The following FTO variants were observed in gnomAD, a reference collection of about 807,000 sequenced individuals.
FTO encodes the protein FTO alpha-ketoglutarate dependent dioxygenase.
A neutral mutation model predicts 63.9 loss-of-function variants in FTO; 47 were observed. The ratio of observed to expected loss-of-function variants is 0.74; its 90% CI spans 0.58 to 0.94. The LOEUF (loss-of-function observed/expected upper bound fraction) is 0.94, where lower values mean the gene tolerates loss of function less well. Ranked by LOEUF, FTO falls within the 40% of genes least tolerant of loss-of-function variation. The probability of loss-of-function intolerance (pLI) is 0.00; values close to 1 mark genes in which losing one functional copy is unlikely to be tolerated. For synonymous variants in FTO, 207 were observed against 224.4 expected, an observed-to-expected ratio of 0.92 and a Z score of 0.69; for missense variants, 562 against 618.1, an observed-to-expected ratio of 0.91 and a Z score of 0.96.
intron 7 of FTO, among the ~76,000 whole-genome samples, chr16:53,904,593 TGTAG>T (rs2151932168): frequency 6.6e-6 from 1 of 152,316 alleles, no homozygotes; most frequent in East Asian, 1.9e-4. Context: ...CCACACGGGA[TGTAG>T]GTGGCCCTTT....
intron 7 of FTO, among the ~76,000 whole-genome samples, chr16:53,926,027 ACT>A (rs1358786137): frequency 1.3e-5 from 2 of 151,924 alleles, no homozygotes; most frequent in Non-Finnish European, 2.9e-5. Flanking sequence ...GAAATGAAAG[ACT>A]CTGGGAAATT....
intron 4 of FTO, among the ~76,000 whole-genome samples, chr16:53,872,411 C>G (rs1314916819): frequency 6.6e-6 from 1 of 152,206 alleles, no homozygotes; most frequent in Non-Finnish European, 1.5e-5. Flanking sequence ...TCCCTATACT[C>G]CAGTCTTTGT....
chr16:53,728,764 C>CT (rs368270837), intron 1 of FTO, among the ~76,000 whole-genome samples: 72,104 of 133,834 alleles, frequency 0.54, 20,179 homozygotes, highest in Non-Finnish European at 0.62. Context: ...GACCATACTT[C>CT]TTTTTTTTTT....
intron 8 of FTO, among the ~76,000 whole-genome samples, chr16:54,045,389 C>T (rs375464834): frequency 0.39 from 76 of 194 alleles, 23 homozygotes; most frequent in East Asian, 1. Context: ...GACACATACA[C>T]TCTCCCAAGA....
At chr16:54,004,550 A>G (rs1230435330) in intron 8 of FTO, among the ~76,000 whole-genome samples, 7 of 152,218 alleles carry the variant, frequency 4.6e-5, no homozygotes, top group African/African-American at 1.7e-4. Flanking sequence ...AAGCTACTCC[A>G]TGGAACTAGA....
At chr16:53,785,082 A>G (rs1306232548) in intron 1 of FTO, among the ~76,000 whole-genome samples, 2 of 152,214 alleles carry the variant, frequency 1.3e-5, no homozygotes, top group Admixed American at 6.5e-5. Flanking sequence ...TTAATAATAT[A>G]TATGTGTGAC....
At position 53,928,806 on chromosome 16, in the gene FTO, G is replaced by A. The variant is rs980348621; in HGVS notation, c.1240-5179G>A. Among the ~76,000 whole-genome samples, 5 of 151,814 alleles carry A rather than the reference G, an allele frequency of 3.3e-5. No individual in the cohort carries two copies. In the South Asian group the frequency reaches 6.3e-4, roughly 19 times the overall value. ...CATACAATAAAATTGGCCTTATTTTGGTATACAACCCTATAGGTTTTTTAT... is the reference window on the plus strand; with the variant it reads ...CATACAATAAAATTGGCCTTATTTTAGTATACAACCCTATAGGTTTTTTAT... On this transcript the variant is annotated intron_variant, in intron 7 of 8. Coordinates refer to ENST00000471389, the MANE Select transcript of FTO (RefSeq NM_001080432.3).
At chr16:54,084,748 C>A (rs1306916438) in intron 8 of FTO, among the ~76,000 whole-genome samples, 1 of 152,144 alleles carries the variant, frequency 6.6e-6, no homozygotes, top group South Asian at 2.1e-4. Flanking sequence ...TCCTGTGATG[C>A]TGCACACACA....
At chr16:53,936,950 A>T (rs1389687668) in intron 8 of FTO, among the ~76,000 whole-genome samples, 1 of 152,218 alleles carries the variant, frequency 6.6e-6, no homozygotes, top group East Asian at 1.9e-4. Flanking sequence ...GAGAATTTTT[A>T]AAGTAAAACT....
intron 1 of FTO, among the ~76,000 whole-genome samples, chr16:53,779,941 T>A (rs2077547794): frequency 6.6e-6 from 1 of 152,226 alleles, no homozygotes; most frequent in Admixed American, 6.5e-5. Flanking sequence ...CCATCATTTC[T>A]TGCACAGACT....
intron 1 of FTO, among the ~76,000 whole-genome samples, chr16:53,747,934 A>G (rs74807584): frequency 1.5e-3 from 228 of 152,158 alleles, no homozygotes; most frequent in African/African-American, 5.4e-3. Context: ...CCTTTCCCCA[A>G]AGTATATACT....
chr16:53,733,224 ACC>A (rs1181592436), intron 1 of FTO, among the ~76,000 whole-genome samples: 1 of 152,032 alleles, frequency 6.6e-6, no homozygotes, highest in African/African-American at 2.4e-5. Flanking sequence ...ACATGGCGAA[ACC>A]CCTGTCTCTA....
intron 3 of FTO, among the ~76,000 whole-genome samples, chr16:53,836,207 A>G (rs767897457): frequency 1.3e-5 from 2 of 152,174 alleles, no homozygotes; most frequent in Non-Finnish European, 2.9e-5. Context: ...TTGAATTTTC[A>G]GTATTGAAAT....
intron 8 of FTO, among the ~76,000 whole-genome samples, chr16:54,002,680 A>G (rs2084095572): frequency 6.6e-6 from 1 of 152,196 alleles, no homozygotes; most frequent in South Asian, 2.1e-4. Flanking sequence ...GCCTTTTACA[A>G]TTATTTTTTA....
At chr16:53,839,492 A>G (rs2151807248) in intron 3 of FTO, among the ~76,000 whole-genome samples, 1 of 152,280 alleles carries the variant, frequency 6.6e-6, no homozygotes, top group South Asian at 2.1e-4. Context: ...AAAAACTCTC[A>G]CCAAACTATC....
intron 8 of FTO, among the ~76,000 whole-genome samples, chr16:53,945,410 A>G (rs2082631342): frequency 1.3e-5 from 2 of 152,236 alleles, no homozygotes; most frequent in Non-Finnish European, 2.9e-5. Flanking sequence ...AGTAGTGAAG[A>G]TGGAATTTAA....
chr16:53,812,332 G>A lies in FTO; in HGVS notation c.123+2115G>A, dbSNP rs553576480. 1.5e-3 allele frequency among the ~76,000 whole-genome samples: 222 copies of A among 151,126 alleles called. 1 individual carries two copies. The highest frequency in any genetic ancestry group is 5.1e-3 in the African/African-American group (208 of 41,094). On this transcript the variant is annotated intron_variant, in intron 2 of 8. Coordinates refer to ENST00000471389, the MANE Select transcript of FTO (RefSeq NM_001080432.3). ...TGTGTGCAGGCTGGAGTGCAGTGGC[G>A]CGATCTGAGCTCACTGCACCCTCTG...
At chr16:54,065,561 T>A (rs2085707069) in intron 8 of FTO, among the ~76,000 whole-genome samples, 1 of 152,152 alleles carries the variant, frequency 6.6e-6, no homozygotes, top group African/African-American at 2.4e-5. Context: ...CAATAAAAAG[T>A]GTCAAATGAT....
At chr16:54,107,626 A>T (rs911142396) in intron 8 of FTO, among the ~76,000 whole-genome samples, 1 of 151,190 alleles carries the variant, frequency 6.6e-6, no homozygotes, top group Non-Finnish European at 1.5e-5. Flanking sequence ...TGGCTAAGGC[A>T]ATGGATGTTA....
Sources: allele counts gnomAD v4.1 joint callset (sites outside exome capture counted in the v4.1 genomes callset), GRCh38; gene constraint gnomAD v4.1.1; transcripts MANE v1.5; gene names NCBI Gene and HGNC (gene_info 2026-07-23, HGNC 2026-07-21).